Variants in NCR1 observed in about 807,000 individuals in gnomAD.
NCR1 encodes natural cytotoxicity triggering receptor 1.
Under a neutral mutation model 32.5 loss-of-function variants are expected in NCR1, and 30 were observed. The ratio of observed to expected loss-of-function variants is 0.92; its 90% CI spans 0.69 to 1.25. The LOEUF (loss-of-function observed/expected upper bound fraction) is 1.25, where lower values mean the gene tolerates loss of function less well. Among genes scored for constraint, NCR1 ranks in the 50% most tolerant of loss-of-function variants. The pLI is 0.00. For synonymous variants in NCR1, 169 were observed against 143.4 expected (o/e 1.18, Z -1.28); for missense variants, 369 against 380.7 (o/e 0.97, Z 0.26).
chr19:54,931,216 GT>G, the NCR1 span, among the ~76,000 whole-genome samples: 1 of 152,070 alleles, frequency 6.6e-6, no homozygotes, highest in Admixed American at 6.6e-5. Flanking sequence ...GAGGTCAGGA[GT>G]TCAAGACCAG....
At chr19:54,905,313 A>G (rs587740744), upstream of NCR1, among the ~76,000 whole-genome samples, 2 of 152,212 alleles carry the variant, frequency 1.3e-5, no homozygotes, top group African/African-American at 4.8e-5. Flanking sequence ...TTGAGGGATA[A>G]TTTAGGAATC....
Position 54,906,582 on chromosome 19 carries a change from C to G in NCR1, c.130C>G (p.Gln44Glu). 1.9e-6 allele frequency: 3 copies of G among 1,613,754 alleles called. No homozygotes were observed. Among genetic ancestry groups the G allele is most frequent in the Non-Finnish European group, 2.5e-6 (3 of 1,180,040 alleles). Reference protein sequence around the residue: ...EPHFMVPKEKQVTICCQGNYG... With the variant: ...EPHFMVPKEKEVTICCQGNYG... ...CCATTTCATGGTTCCAAAGGAAAAG[C>G]AAGTGACCATCTGTTGCCAGGGAAA... Residue 44 changes from glutamine to glutamate, a missense_variant, in exon 3 of 7, where the codon CAA becomes GAA. Coordinates refer to ENST00000291890, the MANE Select transcript of NCR1 (RefSeq NM_004829.7).
chr19:54,914,170 T>C (rs2068084277), downstream of NCR1, among the ~76,000 whole-genome samples: 2 of 138,964 alleles, frequency 1.4e-5, no homozygotes, highest in African/African-American at 5.9e-5. Context: ...CTTCCTTTTT[T>C]TTTTTTTTCT....
At chr19:54,922,711 G>A in the NCR1 span, among the ~76,000 whole-genome samples, 2 of 150,722 alleles carry the variant, frequency 1.3e-5, no homozygotes, top group Non-Finnish European at 3.0e-5. Context: ...CCTGGGAGGC[G>A]CGGTTGCAGT....
upstream of NCR1, among the ~76,000 whole-genome samples, chr19:54,905,131 CTGTT>C (rs1304960876): frequency 3.9e-5 from 6 of 152,208 alleles, no homozygotes; most frequent in Admixed American, 6.6e-5. Context: ...AATGGTAACT[CTGTT>C]TGTAGTTCTC....
chr19:54,925,649 T>A, the NCR1 span, among the ~76,000 whole-genome samples: 1 of 152,084 alleles, frequency 6.6e-6, no homozygotes, highest in African/African-American at 2.4e-5. Flanking sequence ...AGCAAAACGT[T>A]GTCTCAGAAA....
intron 3 of NCR1, among the ~76,000 whole-genome samples, chr19:54,908,378 G>A (rs587661541): frequency 1.8e-4 from 28 of 152,288 alleles, no homozygotes; most frequent in African/African-American, 6.3e-4. Context: ...AGTCTCCTAT[G>A]TCTACTTCTT....
chr19:54,910,581 C>T (rs1202092856), intron 5 of NCR1, among the ~76,000 whole-genome samples: 2 of 126,788 alleles, frequency 1.6e-5, no homozygotes, highest in African/African-American at 5.1e-5. Context: ...CACAGAAAAA[C>T]AAAAACAAAA....
upstream of NCR1, among the ~76,000 whole-genome samples, chr19:54,902,026 C>T (rs587675562): frequency 6.6e-6 from 1 of 152,224 alleles, no homozygotes; most frequent in East Asian, 1.9e-4. Context: ...AATCCTAAAC[C>T]AAATATATGT....
At chr19:54,938,022 T>C in the NCR1 span, 1 of 1,594,218 alleles carries the variant, frequency 6.3e-7, no homozygotes, top group Non-Finnish European at 8.6e-7. Context: ...GGGTCTTCCT[T>C]GCAAGATGAG....
At chr19:54,927,977 C>G in the NCR1 span, among the ~76,000 whole-genome samples, 45 of 152,178 alleles carry the variant, frequency 3.0e-4, 1 homozygote, top group African/African-American at 9.9e-4. Flanking sequence ...CCTGTAGCCC[C>G]AGCACCTTGG....
chr19:54,922,790 C>CAA, the NCR1 span, among the ~76,000 whole-genome samples: 2 of 51,856 alleles, frequency 3.9e-5, no homozygotes, highest in African/African-American at 1.4e-4. Context: ...AAAAAAAAAA[C>CAA]AAAAAAAAAA....
chr19:54,900,916 A>C, the NCR1 span, among the ~76,000 whole-genome samples: 7 of 152,074 alleles, frequency 4.6e-5, no homozygotes, highest in East Asian at 1.4e-3. Context: ...ACAAAATTTA[A>C]ACCATTGAAT....
the NCR1 span, among the ~76,000 whole-genome samples, chr19:54,899,896 G>A: frequency 6.3e-3 from 962 of 152,266 alleles, 14 homozygotes; most frequent in African/African-American, 0.022. Context: ...TTGGGTCCAC[G>A]AATAAAGCGC....
upstream of NCR1, among the ~76,000 whole-genome samples, chr19:54,903,576 A>T (rs587762576): frequency 6.7e-6 from 1 of 149,134 alleles, no homozygotes; most frequent in Non-Finnish European, 1.5e-5. Flanking sequence ...ATGTGTATAT[A>T]TACGCATATA....
chr19:54,903,317 CATGT>C (rs2067338201), upstream of NCR1, among the ~76,000 whole-genome samples: 1 of 122,156 alleles, frequency 8.2e-6, no homozygotes, highest in African/African-American at 3.4e-5. Context: ...TGTATACATA[CATGT>C]ATATATACAT....
chr19:54,920,856 A>C (rs909499032), downstream of NCR1, among the ~76,000 whole-genome samples: 2 of 152,060 alleles, frequency 1.3e-5, no homozygotes, highest in Non-Finnish European at 2.9e-5. Context: ...CTGTCATGCC[A>C]GCACTTTGGG....
chr19:54,936,992 G>A, the NCR1 span, among the ~76,000 whole-genome samples: 2 of 151,682 alleles, frequency 1.3e-5, no homozygotes, highest in South Asian at 4.2e-4. Context: ...GCCGAGGCGG[G>A]TGGATCACGA....
At chr19:54,912,497 G>A (rs1010424478) in intron 6 of NCR1, among the ~76,000 whole-genome samples, 193 bp from the exon 7 acceptor site, 6 of 151,232 alleles carry the variant, frequency 4.0e-5, no homozygotes, top group Non-Finnish European at 5.9e-5. Context: ...TACTTGGGAG[G>A]CTGAGACAGG....
Sources: allele counts gnomAD v4.1 joint callset (sites outside exome capture counted in the v4.1 genomes callset), GRCh38; gene constraint gnomAD v4.1.1; transcripts MANE v1.5; gene names NCBI Gene and HGNC (gene_info 2026-07-23, HGNC 2026-07-21).